Variants in RXRA observed in about 807,000 individuals in gnomAD.
RXRA encodes retinoid X receptor alpha.
Under a neutral mutation model 44.5 loss-of-function variants are expected in RXRA, and 5 were observed. The observed-to-expected ratio is 0.11, with a 90% CI of 0.06 to 0.24. The LOEUF is 0.24. RXRA is among the 10% of genes least tolerant of loss of function. RXRA has a pLI of 1.00. For synonymous variants in RXRA, 291 were observed against 271.4 expected, an observed-to-expected ratio of 1.07 and a Z score of -0.71; for missense variants, 412 against 646.5, an observed-to-expected ratio of 0.64 and a Z score of 3.93.
intron 1 of RXRA, among the ~76,000 whole-genome samples, chr9:134,328,022 A>G (rs1388896842): frequency 6.6e-6 from 1 of 152,114 alleles, no homozygotes; most frequent in East Asian, 1.9e-4. Context: ...AAGGTGGTGG[A>G]TTTGGGATTA....
intron 1 of RXRA, among the ~76,000 whole-genome samples, chr9:134,337,325 C>T (rs555179887): frequency 1.3e-5 from 2 of 152,284 alleles, no homozygotes; most frequent in African/African-American, 4.8e-5. Context: ...TCTGTCTGTC[C>T]GTCCGTCCAT....
intron 1 of RXRA, among the ~76,000 whole-genome samples, chr9:134,350,250 G>C (rs1364189521): frequency 1.3e-5 from 2 of 152,186 alleles, no homozygotes; most frequent in African/African-American, 2.4e-5. Context: ...GCCCCAGAGA[G>C]CCAGTGGGGC....
rs1299115230 is a variant in RXRA at position 134,409,125 on chromosome 9, C to T, written c.610+6C>T. On this transcript the variant is annotated splice_donor_region_variant and intron_variant, in intron 4 of 9. Coordinates refer to ENST00000481739, the MANE Select transcript of RXRA (RefSeq NM_002957.6). ...CATGGGCATGAAGCGGGAAGGTAGGCCACGGCGTCGGGTGGGGGCGCGGGC... is the reference window on the plus strand; with the variant it reads ...CATGGGCATGAAGCGGGAAGGTAGGTCACGGCGTCGGGTGGGGGCGCGGGC... 1.3e-6 allele frequency: 2 copies of T among 1,549,244 alleles called. No individual in the cohort carries two copies. Among genetic ancestry groups the T allele is most frequent in the African/African-American group, 1.4e-5 (1 of 72,180 alleles).
chr9:134,430,231 A>G (rs1280967307), intron 7 of RXRA, among the ~76,000 whole-genome samples: 1 of 152,206 alleles, frequency 6.6e-6, no homozygotes, highest in Non-Finnish European at 1.5e-5. Context: ...CACACACACC[A>G]GACTGGGCCT....
intron 6 of RXRA, chr9:134,422,228 T>C (rs1442996645): frequency 4.8e-5 from 59 of 1,233,814 alleles, no homozygotes; most frequent in Admixed American, 8.1e-5. Context: ...TGGGACATAC[T>C]CCCCACTCCT....
chr9:134,368,327 G>A (rs1830439627), intron 1 of RXRA, among the ~76,000 whole-genome samples: 1 of 152,230 alleles, frequency 6.6e-6, no homozygotes, highest in South Asian at 2.1e-4. Flanking sequence ...GGCCCCCTTG[G>A]GAAGTAGGGC....
chr9:134,369,332 G>A, intron 1 of RXRA, among the ~76,000 whole-genome samples: 1 of 107,336 alleles, frequency 9.3e-6, no homozygotes, highest in Non-Finnish European at 1.9e-5. Flanking sequence ...GTGTGGGGGG[G>A]GTTATGTGTG....
intron 2 of RXRA, chr9:134,406,510 C>T (rs186750092): frequency 2.6e-5 from 4 of 152,174 alleles, no homozygotes; most frequent in Middle Eastern, 3.2e-3. Context: ...CACACGAGAA[C>T]GTAGGAGGCA....
intron 1 of RXRA, among the ~76,000 whole-genome samples, chr9:134,382,541 G>T (rs1737481953): frequency 6.6e-6 from 1 of 152,194 alleles, no homozygotes; most frequent in Admixed American, 6.5e-5. Flanking sequence ...CAGAGGCTGG[G>T]GACTGGACAC....
At chr9:134,360,014 G>C (rs1406183574) in intron 1 of RXRA, among the ~76,000 whole-genome samples, 1 of 152,230 alleles carries the variant, frequency 6.6e-6, no homozygotes, top group East Asian at 1.9e-4. Context: ...TGTAGGACCG[G>C]GCGGGGAATG....
rs1276924315 is a variant in RXRA, at chr9:134,350,076, A to AG, written c.28+23425dup. Among the ~76,000 whole-genome samples the AG allele has an allele frequency of 7.9e-3, 1,133 of 143,276 alleles. 5 individuals are homozygous for AG. The highest frequency in any genetic ancestry group is 0.028 in the Middle Eastern group (8 of 282). The allele number at this position is 143,276 out of a possible 152,430, so 94.0% of individuals were successfully genotyped here. On this transcript the variant is annotated intron_variant, in intron 1 of 9. Coordinates refer to ENST00000481739, the MANE Select transcript of RXRA (RefSeq NM_002957.6). ...CCGCCAGATGGCTGTGTGTGTGTGT[A>AG]GGGGGGGGTGGAAGGTGGGGGTACA... is the stretch of plus-strand genomic sequence containing the variant.
In RXRA at chr9:134,433,047, G is replaced by C. The variant is rs2119210308; in HGVS notation, c.1135+1051G>C. ...GAGCTCACTTGGGCTATGGTGGAGGGAGTGGAGCCCTCTCGGCTCCTGGCC... is the reference window on the plus strand; with the variant it reads ...GAGCTCACTTGGGCTATGGTGGAGGCAGTGGAGCCCTCTCGGCTCCTGGCC... On this transcript the variant is annotated intron_variant, in intron 8 of 9. Coordinates refer to ENST00000481739, the MANE Select transcript of RXRA (RefSeq NM_002957.6). The surrounding 1 kb of genome is among the most constrained non-coding windows in gnomAD (Gnocchi z 4.2). 6.6e-6 allele frequency among the ~76,000 whole-genome samples: 1 copy of C among 152,260 alleles called. No individual in the cohort carries two copies. Among genetic ancestry groups the C allele is most frequent in the South Asian group, 2.1e-4 (1 of 4,822 alleles).
At position 134,366,252 on chromosome 9, in the gene RXRA, C is replaced by T. The variant is rs1289484716; in HGVS notation, c.29-35380C>T. 2.0e-5 allele frequency among the ~76,000 whole-genome samples: 3 copies of T among 152,140 alleles called. No individual in the cohort carries two copies. The highest frequency in any genetic ancestry group is 7.2e-5 in the African/African-American group (3 of 41,422). ...AGGGTGTCTTCAGCACAGGTGCCCG[C>T]TGGGTGGTCTCCCATGTGTGCCCAG... is the stretch of plus-strand genomic sequence containing the variant. On this transcript the variant is annotated intron_variant, in intron 1 of 9. Coordinates refer to ENST00000481739, the MANE Select transcript of RXRA (RefSeq NM_002957.6). The surrounding 1 kb of genome is among the most constrained non-coding windows in gnomAD (Gnocchi z 5.9).
At position 134,436,680 on chromosome 9, in the gene RXRA, T is replaced by G; in HGVS notation, c.*66T>G. The G allele has an allele frequency of 6.3e-7, 1 of 1,591,554 alleles. No homozygotes were observed. On this transcript the variant is annotated 3_prime_UTR_variant, in exon 10 of 10. Transcript: ENST00000481739. Reference sequence around the variant, plus strand: ...CCTGCCTGGACGCCAGCTGTTCTTCTCAGCCTGAGCCCTGTCCCTGCCCTT... The same window carrying G: ...CCTGCCTGGACGCCAGCTGTTCTTCGCAGCCTGAGCCCTGTCCCTGCCCTT...
chr9:134,415,467 G>GGGTGGGAT (rs1831217972), intron 4 of RXRA, among the ~76,000 whole-genome samples: 1 of 151,924 alleles, frequency 6.6e-6, no homozygotes, highest in African/African-American at 2.4e-5. Flanking sequence ...GGAAGCCAGA[G>GGGTGGGAT]GGTGGGAGGG....
At chr9:134,380,786 C>G (rs80194947) in intron 1 of RXRA, among the ~76,000 whole-genome samples, 6,286 of 152,164 alleles carry the variant, frequency 0.041, 328 homozygotes, top group African/African-American at 0.11. Context: ...AGGTCTGAGG[C>G]CAGAGGAAAG....
intron 1 of RXRA, among the ~76,000 whole-genome samples, chr9:134,386,287 G>A (rs887976603): frequency 6.6e-6 from 1 of 152,274 alleles, no homozygotes; most frequent in Non-Finnish European, 1.5e-5. Context: ...GGCCGCCCCT[G>A]TGGTGGGACC....
chr9:134,428,821 G>A (rs1329807736), intron 6 of RXRA, among the ~76,000 whole-genome samples: 1 of 152,222 alleles, frequency 6.6e-6, no homozygotes, highest in South Asian at 2.1e-4. Context: ...TCCTGCACAC[G>A]CGGGAGGAAG....
intron 1 of RXRA, among the ~76,000 whole-genome samples, chr9:134,341,659 A>C (rs1159029965): frequency 6.6e-6 from 1 of 152,052 alleles, no homozygotes; most frequent in Non-Finnish European, 1.5e-5. Flanking sequence ...TGGCCGGCAC[A>C]CACCTGGTGG....
Sources: gnomAD v4.1 joint callset for allele counts (sites outside exome capture counted in the v4.1 genomes callset) on GRCh38, gnomAD v4.1.1 for gene constraint, Gnocchi (gnomAD v3.1) non-coding constraint, MANE v1.5 for transcripts, NCBI Gene and HGNC (gene_info 2026-07-23, HGNC 2026-07-21) for gene names.